The following RBL1 variants were observed in gnomAD, a reference collection of about 807,000 sequenced individuals.
The protein encoded by RBL1 is RB transcriptional corepressor like 1, also known as retinoblastoma-like protein 1.
RBL1 carries 82 observed loss-of-function variants against 123.0 expected under a neutral mutation model. That is an observed-to-expected ratio of 0.67 (90% CI 0.56 to 0.80). RBL1 has a LOEUF of 0.80. Among genes scored for constraint, RBL1 ranks in the 30% least tolerant of loss-of-function variants. The pLI is 0.00. For missense variants in RBL1, 1,171 were observed against 1,299.6 expected, an observed-to-expected ratio of 0.90 and a Z score of 1.52; for synonymous variants, 405 against 441.3, an observed-to-expected ratio of 0.92 and a Z score of 1.03.
chr20:37,020,809 G>C, intron 17 of RBL1, 79 bp from the exon 18 acceptor site: 2 of 881,668 alleles, frequency 2.3e-6, no homozygotes, highest in South Asian at 3.1e-5. Context: ...ATTATAAGTT[G>C]GCACTGAGAG....
chr20:37,093,923 G>T (rs2065688272), intron 1 of RBL1, among the ~76,000 whole-genome samples: 1 of 151,950 alleles, frequency 6.6e-6, no homozygotes, highest in African/African-American at 2.4e-5. Flanking sequence ...TTACAGGTGT[G>T]AGCCACCGTG....
chr20:37,000,228 C>CT (rs1302898853), intron 21 of RBL1, among the ~76,000 whole-genome samples: 1 of 147,628 alleles, frequency 6.8e-6, no homozygotes, highest in African/African-American at 2.5e-5. Context: ...GCCACACCCT[C>CT]TGAGAAGTGA....
At position 37,066,831 on chromosome 20, in the gene RBL1, AG is replaced by A; in HGVS notation, c.738del (p.Cys247AlafsTer15). 2 of 1,613,746 alleles carry A rather than the reference AG, an allele frequency of 1.2e-6. No homozygotes were observed. The highest frequency in any genetic ancestry group is 1.7e-6 in the Non-Finnish European group (2 of 1,179,708). On this transcript the variant is annotated frameshift_variant, in exon 6 of 22. Coordinates refer to ENST00000373664, the MANE Select transcript of RBL1 (RefSeq NM_002895.5). LOFTEE classifies it high-confidence loss of function. ...TADFTASEEP[P>X]CIIAVLCELH... ...AGTTCACACAGTACAGCAATGATGC[AG>A]GGTGGCTCTTCAGAAGCCGTAAAGT...
At chr20:37,059,399 T>C (rs1473990837) in intron 9 of RBL1, among the ~76,000 whole-genome samples, 1 of 152,230 alleles carries the variant, frequency 6.6e-6, no homozygotes, top group Non-Finnish European at 1.5e-5. Flanking sequence ...GGGTTCACTA[T>C]TCCTAGTCAG....
intron 9 of RBL1, among the ~76,000 whole-genome samples, chr20:37,057,537 C>T (rs555832834): frequency 1.2e-4 from 18 of 152,092 alleles, no homozygotes; most frequent in Non-Finnish European, 1.9e-4. Context: ...ATCCTTTATA[C>T]GTTTTTAAAT....
intron 15 of RBL1, 146 bp from the exon 16 acceptor site, chr20:37,033,022 T>C: frequency 1.9e-6 from 2 of 1,045,628 alleles, no homozygotes; most frequent in Non-Finnish European, 2.5e-6. Flanking sequence ...TGAATTCTTT[T>C]TTTTTTTTTT....
chr20:37,062,947 A>G (rs2065119096), intron 7 of RBL1, among the ~76,000 whole-genome samples: 1 of 152,092 alleles, frequency 6.6e-6, no homozygotes, highest in Non-Finnish European at 1.5e-5. Flanking sequence ...GCGCCACTGC[A>G]CTCCAGCCTG....
chr20:37,013,495 G>T (rs2064199257), intron 19 of RBL1, among the ~76,000 whole-genome samples: 1 of 148,910 alleles, frequency 6.7e-6, no homozygotes, highest in African/African-American at 2.5e-5. Context: ...AGAGACCTTT[G>T]TTCACTTGTT....
intron 2 of RBL1, among the ~76,000 whole-genome samples, chr20:37,080,759 C>T (rs776715884): frequency 1.3e-5 from 2 of 152,104 alleles, no homozygotes; most frequent in African/African-American, 2.4e-5. Flanking sequence ...ACGCCTGGCT[C>T]GCAATCTACT....
At chr20:37,030,474 C>G (rs754291536) in intron 16 of RBL1, among the ~76,000 whole-genome samples, 2 of 151,750 alleles carry the variant, frequency 1.3e-5, no homozygotes, top group Non-Finnish European at 1.5e-5. Context: ...AATCCCAGCA[C>G]TTTGGGAGGC....
intron 20 of RBL1, among the ~76,000 whole-genome samples, chr20:37,004,235 A>G (rs2064034345): frequency 6.6e-6 from 1 of 151,484 alleles, no homozygotes; most frequent in Non-Finnish European, 1.5e-5. Flanking sequence ...GATTACAGGC[A>G]TGTGCCACCA....
rs530278904 is a variant in RBL1, at chr20:37,027,121, G to A, written c.2383-4295C>T. On this transcript the variant is annotated intron_variant, in intron 16 of 21. Coordinates refer to ENST00000373664, the MANE Select transcript of RBL1 (RefSeq NM_002895.5). The stretch of plus-strand genomic sequence containing the variant: ...AGCACTTTGGGAGGCTGAGGTGGGA[G>A]GATCGCTTGAGCCCAGGAGTTCAAG... Among the ~76,000 whole-genome samples, 3 of 152,050 alleles carry A rather than the reference G, an allele frequency of 2.0e-5. 1 individual carries two copies. Among genetic ancestry groups the A allele is most frequent in the South Asian group, 2.1e-4 (1 of 4,812 alleles).
chr20:37,002,843 C>T (rs928557583), intron 21 of RBL1, among the ~76,000 whole-genome samples: 1 of 151,820 alleles, frequency 6.6e-6, no homozygotes, highest in Non-Finnish European at 1.5e-5. Flanking sequence ...TCAGCCTCCA[C>T]AGCAGAGTAG....
chr20:37,065,760 T>C (rs986557788), intron 6 of RBL1, among the ~76,000 whole-genome samples: 22 of 152,172 alleles, frequency 1.4e-4, no homozygotes, highest in African/African-American at 5.3e-4. Context: ...ACTACAGTTG[T>C]GCACCACCAT....
intron 14 of RBL1, among the ~76,000 whole-genome samples, chr20:37,038,356 C>T (rs1397243312): frequency 6.9e-6 from 1 of 144,770 alleles, no homozygotes; most frequent in Admixed American, 7.2e-5. Flanking sequence ...GGCTGGAGGG[C>T]AATGGCACGA....
At chr20:37,034,764 TA>T (rs965035367) in intron 15 of RBL1, among the ~76,000 whole-genome samples, 177 of 146,080 alleles carry the variant, frequency 1.2e-3, no homozygotes, top group Non-Finnish European at 2.1e-3. Context: ...AATTTAAAAA[TA>T]AAAAAAAAAC....
chr20:37,029,557 CA>C (rs558921673), intron 16 of RBL1, among the ~76,000 whole-genome samples: 25 of 152,254 alleles, frequency 1.6e-4, no homozygotes, highest in African/African-American at 5.3e-4. Flanking sequence ...TTGCTTTCAC[CA>C]CTTTTATTCA....
Position 37,007,506 on chromosome 20 carries a change from C to T in RBL1, c.2776G>A (p.Glu926Lys). The change falls in exon 20 of 22, where the codon GAA (glutamate) becomes AAA (lysine). Residue 926 changes from glutamate to lysine, a missense_variant. Glu to Lys is a moderately conservative substitution (Grantham distance 56). Coordinates refer to ENST00000373664, the MANE Select transcript of RBL1 (RefSeq NM_002895.5). Reference protein sequence around the residue: ...PDCSSGPVKEERGDLIKFYNT... With the variant: ...PDCSSGPVKEKRGDLIKFYNT... ...TAAAATTTTATAAGATCACCTCTTT[C>T]CTCTTTCACTGGTCCACTGGAACAG... 6 of 1,613,838 alleles carry T rather than the reference C, an allele frequency of 3.7e-6. No individual in the cohort carries two copies. Among genetic ancestry groups the T allele is most frequent in the Non-Finnish European group, 5.1e-6 (6 of 1,179,808 alleles).
intron 15 of RBL1, among the ~76,000 whole-genome samples, chr20:37,035,025 T>C (rs2064581908): frequency 6.6e-6 from 1 of 152,110 alleles, no homozygotes; most frequent in Non-Finnish European, 1.5e-5. Context: ...TATATGCCTC[T>C]GGTTGGGGAA....
Sources: gnomAD v4.1 joint callset for allele counts (sites outside exome capture counted in the v4.1 genomes callset) on GRCh38, gnomAD v4.1.1 for gene constraint, MANE v1.5 for transcripts, NCBI Gene and HGNC (gene_info 2026-07-23, HGNC 2026-07-21) for gene names.